Variants in ERBB4 observed in about 807,000 individuals in gnomAD.
ERBB4 encodes the protein erb-b2 receptor tyrosine kinase 4, also known as receptor tyrosine-protein kinase erbB-4.
A neutral mutation model predicts 158.0 loss-of-function variants in ERBB4; 42 were observed. The observed-to-expected ratio is 0.27, with a 90% CI of 0.21 to 0.34. The LOEUF is 0.34. Among genes scored for constraint, ERBB4 ranks in the 10% least tolerant of loss-of-function variants. ERBB4 has a pLI of 1.00. For synonymous variants in ERBB4, 583 were observed against 558.7 expected (o/e 1.04, Z -0.61); for missense variants, 1,333 against 1,624.1 (o/e 0.82, Z 3.08).
intron 3 of ERBB4, among the ~76,000 whole-genome samples, chr2:211,857,847 G>A (rs942548957): frequency 1.3e-5 from 2 of 152,126 alleles, no homozygotes; most frequent in African/African-American, 4.8e-5. Flanking sequence ...TGAATTCTCC[G>A]CTATTGGGAA....
At chr2:211,488,056 G>A (rs2125563739) in intron 20 of ERBB4, among the ~76,000 whole-genome samples, 1 of 150,564 alleles carries the variant, frequency 6.6e-6, no homozygotes, top group African/African-American at 2.5e-5. Context: ...GTGCTTCCCT[G>A]GAAGAACCAC....
intron 3 of ERBB4, among the ~76,000 whole-genome samples, chr2:211,842,295 T>C (rs1001084938): frequency 5.3e-5 from 8 of 151,686 alleles, no homozygotes; most frequent in African/African-American, 1.9e-4. Context: ...AATAAAGGGG[T>C]TGATATTAGC....
intron 1 of ERBB4, among the ~76,000 whole-genome samples, chr2:212,194,320 T>C (rs1223872389): frequency 1.9e-5 from 2 of 103,002 alleles, no homozygotes; most frequent in African/African-American, 3.7e-5. Flanking sequence ...ACACACACAC[T>C]TTGTTTCCTT....
chr2:212,236,208 C>T (rs2083867450), intron 1 of ERBB4, among the ~76,000 whole-genome samples: 2 of 152,302 alleles, frequency 1.3e-5, no homozygotes, highest in South Asian at 4.1e-4. Flanking sequence ...GCCTCTTCTG[C>T]ATCTACTGCA....
At chr2:212,105,498 C>A (rs148244458) in intron 2 of ERBB4, among the ~76,000 whole-genome samples, 1 of 152,116 alleles carries the variant, frequency 6.6e-6, no homozygotes, top group Non-Finnish European at 1.5e-5. Context: ...TTAGCAATCA[C>A]GCTTTTTCTT....
intron 4 of ERBB4, among the ~76,000 whole-genome samples, chr2:211,751,285 C>T (rs751803253): frequency 2.2e-4 from 34 of 152,118 alleles, no homozygotes; most frequent in Non-Finnish European, 4.0e-4. Flanking sequence ...ATTTTCAACT[C>T]TAAGCCTTAA....
intron 1 of ERBB4, among the ~76,000 whole-genome samples, chr2:212,372,559 C>T (rs1054902772): frequency 7.2e-5 from 11 of 152,076 alleles, no homozygotes; most frequent in African/African-American, 2.4e-4. Context: ...ACCATCCTGG[C>T]CAACATGATA....
chr2:212,525,498 T>C (rs1692400064), intron 1 of ERBB4, among the ~76,000 whole-genome samples: 1 of 152,004 alleles, frequency 6.6e-6, no homozygotes, highest in African/African-American at 2.4e-5. Context: ...CCTTAACAGA[T>C]ATATAAATAA....
chr2:211,388,533 AG>A (rs2062734934), intron 25 of ERBB4, among the ~76,000 whole-genome samples: 1 of 151,916 alleles, frequency 6.6e-6, no homozygotes, highest in Non-Finnish European at 1.5e-5. Flanking sequence ...CCTGATTAAA[AG>A]GTATATGCTA....
chr2:211,990,256 TATA>T (rs2125251740), intron 2 of ERBB4, among the ~76,000 whole-genome samples: 4 of 79,430 alleles, frequency 5.0e-5, no homozygotes, highest in African/African-American at 1.1e-4. Flanking sequence ...ATTGCATTAT[TATA>T]ATAAAAAAGC....
intron 1 of ERBB4, among the ~76,000 whole-genome samples, chr2:212,461,983 C>G (rs191877981): frequency 1.3e-5 from 2 of 152,276 alleles, no homozygotes; most frequent in Non-Finnish European, 2.9e-5. Context: ...TCCCTAGCCA[C>G]GTGGAACTGT....
intron 1 of ERBB4, among the ~76,000 whole-genome samples, chr2:212,125,808 C>T (rs1017853900): frequency 1.3e-5 from 2 of 152,118 alleles, no homozygotes; most frequent in African/African-American, 4.8e-5. Flanking sequence ...TTTTCTTTAT[C>T]CAGTCTATTA....
intron 1 of ERBB4, among the ~76,000 whole-genome samples, chr2:212,259,601 T>C (rs2084859851): frequency 2.0e-5 from 3 of 152,196 alleles, no homozygotes; most frequent in Admixed American, 2.0e-4. Context: ...TCTAAACATT[T>C]AATAAGTTCC....
chr2:211,806,835 C>A (rs1156957024), intron 3 of ERBB4, among the ~76,000 whole-genome samples: 1 of 151,608 alleles, frequency 6.6e-6, no homozygotes, highest in Non-Finnish European at 1.5e-5. Flanking sequence ...TTAAAAGTTG[C>A]ATGAATGTAA....
intron 20 of ERBB4, among the ~76,000 whole-genome samples, chr2:211,475,385 G>A (rs774591819): frequency 1.2e-4 from 18 of 151,988 alleles, no homozygotes; most frequent in Non-Finnish European, 1.9e-4. Flanking sequence ...CAGTGTTACT[G>A]TGAAACTTCA....
intron 3 of ERBB4, among the ~76,000 whole-genome samples, chr2:211,842,180 G>A (rs77167000): frequency 1.2e-3 from 179 of 151,788 alleles, no homozygotes; most frequent in African/African-American, 4.0e-3. Context: ...GAATATTGTT[G>A]CTTGCTGGAC....
At chr2:212,187,735 C>T (rs955591757) in intron 1 of ERBB4, among the ~76,000 whole-genome samples, 5 of 151,976 alleles carry the variant, frequency 3.3e-5, no homozygotes, top group Admixed American at 2.6e-4. Context: ...TCATAAATTC[C>T]TTTCAGTGGC....
At chr2:211,557,349 T>G (rs1026353630) in intron 20 of ERBB4, among the ~76,000 whole-genome samples, 26 of 151,816 alleles carry the variant, frequency 1.7e-4, no homozygotes, top group African/African-American at 5.3e-4. Context: ...AGGGAGAAAA[T>G]TTTTGCAAAC....
intron 13 of ERBB4, among the ~76,000 whole-genome samples, chr2:211,676,795 T>C (rs2072093866): frequency 8.9e-6 from 1 of 112,552 alleles, no homozygotes. Flanking sequence ...AATTAGTCTA[T>C]TGTGTTTCAT....
Sources: gnomAD v4.1 joint callset for allele counts (sites outside exome capture counted in the v4.1 genomes callset) on GRCh38, gnomAD v4.1.1 for gene constraint, MANE v1.5 for transcripts, NCBI Gene and HGNC (gene_info 2026-07-23, HGNC 2026-07-21) for gene names.